CACNA1E: variants seen among roughly 807,000 people sequenced by gnomAD.
CACNA1E encodes the protein calcium voltage-gated channel subunit alpha1 E, also known as voltage-dependent R-type calcium channel subunit alpha-1E.
A neutral mutation model predicts 259.2 loss-of-function variants in CACNA1E; 40 were observed. The ratio of observed to expected loss-of-function variants is 0.15; its 90% confidence interval spans 0.12 to 0.20. The LOEUF (loss-of-function observed/expected upper bound fraction) is 0.20. CACNA1E is among the 10% of genes least tolerant of loss of function. CACNA1E has a pLI of 1.00. For missense variants in CACNA1E, 1,874 were observed against 3,040.1 expected, an observed-to-expected ratio of 0.62 and a Z score of 9.02; for synonymous variants, 1,104 against 1,138.5, an observed-to-expected ratio of 0.97 and a Z score of 0.61.
intron 1 of CACNA1E, among the ~76,000 whole-genome samples, chr1:181,385,554 CT>C (rs1430616289): frequency 6.6e-6 from 1 of 152,188 alleles, no homozygotes; most frequent in African/African-American, 2.4e-5. Flanking sequence ...GATGATTGTT[CT>C]AGCATTGTAA....
chr1:181,756,177 C>CG, intron 29 of CACNA1E, 84 bp downstream of exon 29: 3 of 1,343,616 alleles, frequency 2.2e-6, no homozygotes, highest in Non-Finnish European at 3.0e-6. Context: ...ATGAACAAGG[C>CG]TCACGCTTTG....
chr1:181,646,970 G>A (rs548641618), intron 6 of CACNA1E, among the ~76,000 whole-genome samples: 8 of 152,266 alleles, frequency 5.3e-5, no homozygotes, highest in African/African-American at 1.9e-4. Flanking sequence ...CATCACCCTC[G>A]TCGTGCACAC....
chr1:181,483,153 C>G (rs965474892), upstream of CACNA1E, among the ~76,000 whole-genome samples: 3 of 152,214 alleles, frequency 2.0e-5, no homozygotes, highest in African/African-American at 7.2e-5. Flanking sequence ...GGTGGAATTT[C>G]TTAGATGGAC....
At chr1:181,760,102 C>T (rs1056560550) in intron 32 of CACNA1E, among the ~76,000 whole-genome samples, 2 of 152,166 alleles carry the variant, frequency 1.3e-5, no homozygotes, top group African/African-American at 4.8e-5. Flanking sequence ...GCAAGCACCA[C>T]AACAGGGAAA....
chr1:181,495,593 G>C (rs1157313242), intron 1 of CACNA1E, among the ~76,000 whole-genome samples: 1 of 152,158 alleles, frequency 6.6e-6, no homozygotes, highest in Admixed American at 6.5e-5. Context: ...CAACAATGCT[G>C]TCCTACTTCC....
rs190578619 is a variant in CACNA1E at position 181,682,433 on chromosome 1, C to G, written c.1056-28521C>G. Among the ~76,000 whole-genome samples, 473 of 152,288 alleles carry G rather than the reference C, an allele frequency of 3.1e-3. 3 individuals carry two copies. Among genetic ancestry groups the G allele is most frequent in the African/African-American group, 0.011 (456 of 41,556 alleles). On this transcript the variant is annotated intron_variant, in intron 7 of 47. Transcript: ENST00000367573. ...ACCAAGAAGGGTGAGACATTCCCGC[C>G]AAGCTGGTTGCTGGCATCTCAGACT...
intron 43 of CACNA1E, among the ~76,000 whole-genome samples, chr1:181,790,138 G>A (rs1273866749): frequency 6.6e-6 from 1 of 152,204 alleles, no homozygotes; most frequent in Non-Finnish European, 1.5e-5. Context: ...AAACTGAGCA[G>A]AAATAGGTTT....
intron 7 of CACNA1E, among the ~76,000 whole-genome samples, chr1:181,709,338 A>G (rs944058965): frequency 5.3e-5 from 8 of 151,300 alleles, no homozygotes; most frequent in Non-Finnish European, 1.0e-4. Flanking sequence ...GTAGAACCCA[A>G]TGAACCTGAA....
In CACNA1E at chr1:181,733,667, C is replaced by T. The variant is rs746583309; in HGVS notation, c.3179C>T (p.Thr1060Met). Residue 1060 changes from threonine (T) to methionine (M), a missense_variant, in exon 21 of 48, where the codon ACG becomes ATG. Transcript: ENST00000367573. Reference protein sequence around the residue: ...EPDLSCITANTDKATTESTSV... With the variant: ...EPDLSCITANMDKATTESTSV... Reference sequence around the variant, plus strand: ...GACCTCTCCTGCATCACGGCCAACACGGACAAGGCCACCACCGAGAGCACC... The same window carrying T: ...GACCTCTCCTGCATCACGGCCAACATGGACAAGGCCACCACCGAGAGCACC... 2.0e-5 allele frequency: 32 copies of T among 1,562,334 alleles called. No homozygotes were observed. Among genetic ancestry groups the T allele is most frequent in the African/African-American group, 1.1e-4 (7 of 65,772 alleles).
At chr1:181,431,373 C>T (rs1659704164) in intron 2 of CACNA1E, among the ~76,000 whole-genome samples, 1 of 152,172 alleles carries the variant, frequency 6.6e-6, no homozygotes, top group Non-Finnish European at 1.5e-5. Flanking sequence ...CAGCTCTTGA[C>T]ATTTTCAAAG....
intron 3 of CACNA1E, among the ~76,000 whole-genome samples, chr1:181,543,951 A>T (rs866907448): frequency 6.6e-6 from 1 of 152,194 alleles, no homozygotes. Context: ...GGACCATATG[A>T]CCCAGCTATT....
At chr1:181,680,287 G>A (rs1031934010) in intron 7 of CACNA1E, among the ~76,000 whole-genome samples, 2 of 152,110 alleles carry the variant, frequency 1.3e-5, no homozygotes, top group African/African-American at 4.8e-5. Context: ...GGCTGTTAGT[G>A]TGGTTCCTAT....
At chr1:181,397,489 C>T (rs1408152243) in intron 1 of CACNA1E, among the ~76,000 whole-genome samples, 3 of 151,836 alleles carry the variant, frequency 2.0e-5, no homozygotes, top group South Asian at 2.1e-4. Context: ...TTAGTAGAGA[C>T]GGGGTTTCAC....
chr1:181,659,755 C>T (rs550703807), intron 7 of CACNA1E, among the ~76,000 whole-genome samples: 1 of 152,282 alleles, frequency 6.6e-6, no homozygotes, highest in African/African-American at 2.4e-5. Context: ...TGCAATGACT[C>T]CATGCAGTAT....
At chr1:181,419,669 C>T (rs1040192078) in intron 2 of CACNA1E, among the ~76,000 whole-genome samples, 2 of 152,234 alleles carry the variant, frequency 1.3e-5, no homozygotes, top group Non-Finnish European at 2.9e-5. Flanking sequence ...GTGCAGTTGA[C>T]TCACAATAAG....
chr1:181,594,958 A>G (rs1177808365), intron 6 of CACNA1E, among the ~76,000 whole-genome samples: 2 of 152,186 alleles, frequency 1.3e-5, no homozygotes, highest in African/African-American at 4.8e-5. Context: ...TATTATTGAG[A>G]TTTACAATAC....
chr1:181,340,175 A>T (rs9803791), intron 1 of CACNA1E, among the ~76,000 whole-genome samples: 29,589 of 151,508 alleles, frequency 0.2, 3,111 homozygotes, highest in African/African-American at 0.23. Context: ...TTTTTTTTAC[A>T]TGTCTACTCA....
In CACNA1E at chr1:181,580,788, T is replaced by G; in HGVS notation, c.951+12T>G. ...CTGTGCTGTACAATGTGAGTAGAGC[T>G]GGTGGGGACCTGGAAGGAGGAGGGA... is the stretch of plus-strand genomic sequence containing the variant. On this transcript the variant is annotated intron_variant, in intron 6 of 47. Coordinates refer to ENST00000367573, the MANE Select transcript of CACNA1E (RefSeq NM_001205293.3). 6.2e-7 allele frequency: 1 copy of G among 1,612,894 alleles called. No individual in the cohort carries two copies. Among genetic ancestry groups the G allele is most frequent in the Non-Finnish European group, 8.5e-7 (1 of 1,178,890 alleles).
chr1:181,657,785 A>G (rs1659327018), intron 7 of CACNA1E, among the ~76,000 whole-genome samples: 1 of 152,246 alleles, frequency 6.6e-6, no homozygotes, highest in Non-Finnish European at 1.5e-5. Context: ...AAGACATCGT[A>G]AAGAAGAACT....
Sources: allele counts gnomAD v4.1 joint callset (sites outside exome capture counted in the v4.1 genomes callset), GRCh38; gene constraint gnomAD v4.1.1; transcripts MANE v1.5; gene names NCBI Gene and HGNC (gene_info 2026-07-23, HGNC 2026-07-21).